Variants in ARMC2 observed in about 807,000 individuals in gnomAD.
ARMC2 encodes the protein armadillo repeat-containing protein 2.
ARMC2 carries 67 observed loss-of-function variants against 90.3 expected under a neutral mutation model. The observed-to-expected ratio is 0.74, with a 90% CI of 0.61 to 0.91. The LOEUF (loss-of-function observed/expected upper bound fraction) is 0.91, where lower values mean the gene tolerates loss of function less well. ARMC2 is among the 40% of genes least tolerant of loss of function. ARMC2 has a pLI of 0.00. For missense variants in ARMC2, 920 were observed against 1,030.9 expected (o/e 0.89, Z 1.47); for synonymous variants, 393 against 393.0 (o/e 1.00, Z 0.00).
chr6:108,939,537 G>T (rs1407157258), intron 12 of ARMC2, among the ~76,000 whole-genome samples: 5 of 152,026 alleles, frequency 3.3e-5, no homozygotes, highest in African/African-American at 9.7e-5. Context: ...TTCACCTTCC[G>T]CCATGATTGA....
chr6:108,985,884 T>G, the ARMC2 span, among the ~76,000 whole-genome samples: 1 of 152,170 alleles, frequency 6.6e-6, no homozygotes, highest in African/African-American at 2.4e-5. Flanking sequence ...ATAAAACATA[T>G]TGAAGATAAT....
the ARMC2 span, among the ~76,000 whole-genome samples, chr6:109,044,311 C>CCAAAAA: frequency 1.1e-4 from 3 of 28,458 alleles, no homozygotes; most frequent in African/African-American, 6.1e-4. Flanking sequence ...GAACTTGCCT[C>CCAAAAA]AAAAAAAAAA....
chr6:108,881,090 G>A (rs1335601245), intron 5 of ARMC2, among the ~76,000 whole-genome samples: 1 of 151,996 alleles, frequency 6.6e-6, no homozygotes. Flanking sequence ...TCCTGACCTT[G>A]TGATCTGCCC....
chr6:108,919,449 G>T (rs1357851434), intron 10 of ARMC2, among the ~76,000 whole-genome samples: 3 of 152,154 alleles, frequency 2.0e-5, no homozygotes, highest in Non-Finnish European at 4.4e-5. Context: ...ATTGGAGGAA[G>T]TAAACTGCAT....
At chr6:109,010,880 G>C in the ARMC2 span, among the ~76,000 whole-genome samples, 6 of 152,142 alleles carry the variant, frequency 3.9e-5, no homozygotes, top group African/African-American at 1.4e-4. Flanking sequence ...AACAAACCCA[G>C]TACATCATGC....
Position 108,953,086 on chromosome 6 carries a change from C to G in ARMC2, c.1650C>G (p.Asn550Lys). 6.2e-7 allele frequency: 1 copy of G among 1,613,658 alleles called. No individual in the cohort carries two copies. The highest frequency in any genetic ancestry group is 1.1e-5 in the South Asian group (1 of 91,016). ...TTGGCAACCTGACGGCAAAAAATAACCAGGCTCGTGAACAATTTTCCAAAG... is the reference window on the plus strand; with the variant it reads ...TTGGCAACCTGACGGCAAAAAATAAGCAGGCTCGTGAACAATTTTCCAAAG... ...FILGNLTAKN[N>K]QAREQFSKEK... is the part of the protein sequence containing the mutation. The change falls in exon 13 of 18, where the codon AAC becomes AAG. Residue 550 changes from asparagine to lysine, a missense_variant. Transcript: ENST00000392644.
the ARMC2 span, chr6:108,994,637 A>T: frequency 6.3e-7 from 1 of 1,581,742 alleles, no homozygotes; most frequent in East Asian, 2.3e-5. Context: ...TTAATGTTAC[A>T]TGTGGCAGAC....
In ARMC2 at chr6:108,929,220, A is replaced by G. The variant is rs147825111; in HGVS notation, c.1496+987A>G. ...AATTACTACCTATCTAATGCATTGT[A>G]GAATCATAAGGAATTTATTTTTGTT... On this transcript the variant is annotated intron_variant, in intron 11 of 17. Coordinates refer to ENST00000392644, the MANE Select transcript of ARMC2 (RefSeq NM_032131.6). Among the ~76,000 whole-genome samples the G allele has an allele frequency of 4.4e-3, 671 of 152,142 alleles. 1 individual carries two copies. Among genetic ancestry groups the G allele is most frequent in the African/African-American group, 0.016 (645 of 41,496 alleles).
intron 5 of ARMC2, among the ~76,000 whole-genome samples, chr6:108,889,502 A>T (rs1440733032): frequency 2.0e-5 from 3 of 150,126 alleles, no homozygotes; most frequent in African/African-American, 7.4e-5. Context: ...ATGCAATGGC[A>T]CAATCACAGC....
chr6:108,892,468 A>AT, intron 5 of ARMC2, among the ~76,000 whole-genome samples: 1 of 152,148 alleles, frequency 6.6e-6, no homozygotes. Flanking sequence ...TAAAAAAAAA[A>AT]TGGGGTGGCT....
At chr6:108,998,702 T>G in the ARMC2 span, 3 of 1,613,682 alleles carry the variant, frequency 1.9e-6, no homozygotes, top group Non-Finnish European at 1.7e-6. Flanking sequence ...GTAAAACTAC[T>G]GCATGTACCA....
chr6:109,050,640 T>C, the ARMC2 span, among the ~76,000 whole-genome samples: 1 of 152,130 alleles, frequency 6.6e-6, no homozygotes. Flanking sequence ...GCAGCAGAAG[T>C]TCCCTCCCAT....
chr6:109,044,200 A>C, the ARMC2 span, among the ~76,000 whole-genome samples: 1 of 151,538 alleles, frequency 6.6e-6, no homozygotes, highest in Non-Finnish European at 1.5e-5. Context: ...CGGTGATCCC[A>C]GCTACTTGGG....
At chr6:108,861,147 T>C (rs998757710) in intron 3 of ARMC2, among the ~76,000 whole-genome samples, 4 of 152,222 alleles carry the variant, frequency 2.6e-5, no homozygotes, top group Non-Finnish European at 5.9e-5. Flanking sequence ...CTCCTTACTT[T>C]AGCCACTCCT....
At chr6:108,899,819 A>C (rs1262366747) in intron 7 of ARMC2, 27 bp downstream of exon 7, 2 of 1,556,668 alleles carry the variant, frequency 1.3e-6, no homozygotes, top group Middle Eastern at 1.7e-4. Context: ...CAAACAAAAA[A>C]CCGTTTTTGT....
At chr6:108,885,619 A>C (rs566933231) in intron 5 of ARMC2, among the ~76,000 whole-genome samples, 7 of 152,024 alleles carry the variant, frequency 4.6e-5, no homozygotes, top group African/African-American at 1.7e-4. Context: ...GGTTGCAGTA[A>C]GCTGAGATTG....
chr6:108,890,235 G>A (rs1277166081), intron 5 of ARMC2, among the ~76,000 whole-genome samples: 1 of 109,958 alleles, frequency 9.1e-6, no homozygotes, highest in African/African-American at 3.5e-5. Flanking sequence ...AAAAACAGTG[G>A]TTTCTTAGTT....
chr6:108,945,248 C>T (rs1418272952), intron 12 of ARMC2, among the ~76,000 whole-genome samples: 3 of 152,194 alleles, frequency 2.0e-5, no homozygotes, highest in East Asian at 1.9e-4. Flanking sequence ...GCGCCTCTGA[C>T]GTCAGTGTTG....
intron 12 of ARMC2, among the ~76,000 whole-genome samples, chr6:108,937,960 A>G (rs9386766): frequency 0.25 from 38,429 of 152,102 alleles, 5,809 homozygotes; most frequent in East Asian, 0.54. Context: ...CCTCCCTCCC[A>G]AAGTGCTGGG....
Sources: gnomAD v4.1 joint callset for allele counts (sites outside exome capture counted in the v4.1 genomes callset) on GRCh38, gnomAD v4.1.1 for gene constraint, MANE v1.5 for transcripts, NCBI Gene and HGNC (gene_info 2026-07-23, HGNC 2026-07-21) for gene names.